LMOD1: variants seen among roughly 807,000 people sequenced by gnomAD.
LMOD1 encodes leiomodin 1.
Under a neutral mutation model 36.5 loss-of-function variants are expected in LMOD1, and 8 were observed. That is an observed-to-expected ratio of 0.22 (90% CI 0.13 to 0.40). The LOEUF is 0.40. Ranked by LOEUF, LMOD1 falls within the 10% of genes least tolerant of loss-of-function variation. The pLI is 1.00. For missense variants in LMOD1, 630 were observed against 751.1 expected, an observed-to-expected ratio of 0.84 and a Z score of 1.88; for synonymous variants, 284 against 288.7, an observed-to-expected ratio of 0.98 and a Z score of 0.17.
chr1:201,936,600 T>C (rs1304137385), intron 1 of LMOD1, among the ~76,000 whole-genome samples: 1 of 152,082 alleles, frequency 6.6e-6, no homozygotes, highest in Non-Finnish European at 1.5e-5. Context: ...GGAAAGCTTT[T>C]CCCCACATCT....
At chr1:201,901,690 GTA>G (rs34800729) in intron 1 of LMOD1, among the ~76,000 whole-genome samples, 3 of 99,564 alleles carry the variant, frequency 3.0e-5, no homozygotes, top group East Asian at 2.4e-4. Context: ...ATATATATGT[GTA>G]TATATATATA....
rs1347363930 is a variant in LMOD1 at position 201,897,384 on chromosome 1, T to A, written c.*988A>T. On this transcript the variant is annotated 3_prime_UTR_variant, in exon 3 of 3. Coordinates refer to ENST00000367288, the MANE Select transcript of LMOD1 (RefSeq NM_012134.3). ...CCTGAGAACAACTCTGGCTACTGAC[T>A]CCAGGCAGCAGGACTGGTTCAGGAG... The A allele has an allele frequency of 6.4e-6, 1 of 156,182 alleles. No individual in the cohort carries two copies. 9.7% of individuals were successfully genotyped at this position (156,182 alleles called of 1,614,324 possible).
intron 1 of LMOD1, among the ~76,000 whole-genome samples, chr1:201,938,651 G>A (rs1682061597): frequency 6.6e-6 from 1 of 152,204 alleles, no homozygotes; most frequent in African/African-American, 2.4e-5. Flanking sequence ...TCAGGGACAG[G>A]GGTCCTGCCA....
intron 2 of LMOD1, among the ~76,000 whole-genome samples, chr1:201,898,979 A>G (rs1681240939): frequency 6.6e-6 from 1 of 152,198 alleles, no homozygotes. Flanking sequence ...TGCAGAATGA[A>G]AGAGAAGCAT....
At chr1:201,906,113 T>G (rs780540204) in intron 1 of LMOD1, among the ~76,000 whole-genome samples, 1 of 152,120 alleles carries the variant, frequency 6.6e-6, no homozygotes, top group African/African-American at 2.4e-5. Context: ...TCTAGGAGAC[T>G]TTTTCTAGGC....
rs192622608 is a variant in LMOD1 at position 201,946,166 on chromosome 1, A to G, written c.175T>C (p.Ser59Pro). The G allele has an allele frequency of 2.4e-4, 385 of 1,613,836 alleles. No homozygotes were observed. In the African/African-American group the frequency reaches 3.1e-3, roughly 13 times the overall value. ...LRQRNQTEKQ[S>P]TGVYNREAML... ...GCCTCCCGGTTGTACACACCCGTGG[A>G]CTGTTTCTCCGTCTGGTTTCTCTGC... The change falls in exon 1 of 3, where the codon TCC (serine) becomes CCC (proline). Residue 59 changes from serine to proline, a missense_variant. Around this residue, in one of 3 missense-constraint regions of LMOD1, gnomAD observed 405 missense variants for 400.6 expected, o/e 1.01. Transcript: ENST00000367288.
At chr1:201,916,803 G>A (rs1048713058) in intron 1 of LMOD1, among the ~76,000 whole-genome samples, 3 of 152,106 alleles carry the variant, frequency 2.0e-5, no homozygotes, top group Admixed American at 1.3e-4. Flanking sequence ...CATCAGCCCC[G>A]GTGATAAACA....
At chr1:201,927,324 T>C (rs1054724041) in intron 1 of LMOD1, among the ~76,000 whole-genome samples, 3 of 152,164 alleles carry the variant, frequency 2.0e-5, no homozygotes, top group Admixed American at 1.3e-4. Flanking sequence ...TCCCGGCACT[T>C]TGGGAGGCCG....
intron 1 of LMOD1, among the ~76,000 whole-genome samples, chr1:201,944,362 GT>G: frequency 6.6e-6 from 1 of 152,288 alleles, no homozygotes; most frequent in East Asian, 1.9e-4. Context: ...AGACTGCTTT[GT>G]TTGACTTCAG....
intron 1 of LMOD1, among the ~76,000 whole-genome samples, chr1:201,924,709 GAA>G (rs747901271): frequency 1.0e-5 from 1 of 96,728 alleles, no homozygotes; most frequent in Non-Finnish European, 2.5e-5. Context: ...AAGAAAGAAA[GAA>G]AGAAAGAAAG....
chr1:201,916,954 G>A (rs1184197199), intron 1 of LMOD1, among the ~76,000 whole-genome samples: 1 of 152,162 alleles, frequency 6.6e-6, no homozygotes, highest in Non-Finnish European at 1.5e-5. Flanking sequence ...AAAGGGCAGC[G>A]GTTTGTGAAC....
Position 201,946,225 on chromosome 1 carries a change from A to C in LMOD1, c.116T>G (p.Val39Gly), listed in dbSNP as rs763315822. ...CACGGGAACACTCCCGTCTGGGTCC[A>C]CCACGTCCAGCTCCTTCTCCAGCTC... The part of the protein sequence containing the change: ...MEELEKELDV[V>G]DPDGSVPVGL... Residue 39 changes from valine to glycine, a missense_variant, in exon 1 of 3, where the codon GTG becomes GGG. This residue lies in a region of LMOD1 where 405 missense variants were observed against 400.6 expected (regional missense o/e 1.01). Coordinates refer to ENST00000367288, the MANE Select transcript of LMOD1 (RefSeq NM_012134.3). 1.6e-5 allele frequency: 26 copies of C among 1,613,836 alleles called. 1 individual carries two copies. The highest frequency in any genetic ancestry group is 2.0e-5 in the Non-Finnish European group (24 of 1,179,886).
At chr1:201,926,285 A>T (rs1371514845) in intron 1 of LMOD1, among the ~76,000 whole-genome samples, 1 of 152,080 alleles carries the variant, frequency 6.6e-6, no homozygotes, top group Admixed American at 6.6e-5. Flanking sequence ...GTGCCCAGTG[A>T]GTCTTTTTTC....
chr1:201,908,356 G>C lies in LMOD1; in HGVS notation c.262-7605C>G, dbSNP rs188147323. 3.9e-5 allele frequency among the ~76,000 whole-genome samples: 6 copies of C among 152,218 alleles called. No homozygotes were observed. In the East Asian group the frequency reaches 7.7e-4, roughly 20 times the overall value. On this transcript the variant is annotated intron_variant, in intron 1 of 2. Transcript: ENST00000367288. ...GTTATAAGAGACTTCTGGGGAAACT[G>C]TGACCCAGAAATGGGGTTGGAGAAG...
At chr1:201,933,667 T>A (rs754135258) in intron 1 of LMOD1, among the ~76,000 whole-genome samples, 5 of 145,518 alleles carry the variant, frequency 3.4e-5, no homozygotes, top group East Asian at 4.3e-4. Context: ...ATAGGGGCTA[T>A]CTTTGGAGAG....
chr1:201,917,429 A>G (rs1681630144), intron 1 of LMOD1, among the ~76,000 whole-genome samples: 1 of 152,272 alleles, frequency 6.6e-6, no homozygotes, highest in Non-Finnish European at 1.5e-5. Flanking sequence ...AAGACTTCAC[A>G]GTCAGCGCCA....
intron 1 of LMOD1, among the ~76,000 whole-genome samples, chr1:201,943,862 G>A (rs1278266358): frequency 1.3e-5 from 2 of 152,152 alleles, no homozygotes; most frequent in Non-Finnish European, 2.9e-5. Context: ...TAGGTAACTT[G>A]TGACTTACAC....
chr1:201,915,692 C>T (rs1681595443), intron 1 of LMOD1, among the ~76,000 whole-genome samples: 1 of 152,276 alleles, frequency 6.6e-6, no homozygotes, highest in Admixed American at 6.5e-5. Context: ...CTATTATATA[C>T]TCCCTCGTTA....
intron 1 of LMOD1, among the ~76,000 whole-genome samples, chr1:201,941,441 T>TGGG (rs1315575414): frequency 6.6e-6 from 1 of 152,136 alleles, no homozygotes; most frequent in African/African-American, 2.4e-5. Flanking sequence ...GGTGCCTGCT[T>TGGG]TTGCCTCCCT....
Sources: gnomAD v4.1 joint callset for allele counts (sites outside exome capture counted in the v4.1 genomes callset) on GRCh38, gnomAD v4.1.1 for gene constraint, gnomAD v4.1.1 regional missense constraint, MANE v1.5 for transcripts, NCBI Gene and HGNC (gene_info 2026-07-23, HGNC 2026-07-21) for gene names.